The following ZDHHC14 variants were observed in gnomAD, a reference collection of about 807,000 sequenced individuals.
ZDHHC14 encodes zDHHC palmitoyltransferase 14.
ZDHHC14 carries 16 observed loss-of-function variants against 47.7 expected under a neutral mutation model. The ratio of observed to expected loss-of-function variants is 0.34; its 90% CI spans 0.23 to 0.51. ZDHHC14 has a LOEUF of 0.51. Ranked by LOEUF, ZDHHC14 falls within the 20% of genes least tolerant of loss-of-function variation. The pLI, the probability that ZDHHC14 is intolerant of heterozygous loss-of-function variation, is 0.97. For synonymous variants in ZDHHC14, 293 were observed against 278.9 expected, an observed-to-expected ratio of 1.05 and a Z score of -0.50; for missense variants, 515 against 662.5, an observed-to-expected ratio of 0.78 and a Z score of 2.44.
chr6:157,540,633 T>C (rs1292839792), intron 1 of ZDHHC14, among the ~76,000 whole-genome samples: 1 of 152,142 alleles, frequency 6.6e-6, no homozygotes, highest in Non-Finnish European at 1.5e-5. Context: ...GAAACTGGCT[T>C]TGCTGTGCCA....
chr6:157,665,154 T>C (rs1225021116), intron 8 of ZDHHC14, among the ~76,000 whole-genome samples: 1 of 152,200 alleles, frequency 6.6e-6, no homozygotes, highest in South Asian at 2.1e-4. Flanking sequence ...ACCATTTGCC[T>C]CCTGTACTTT....
chr6:157,624,807 A>C (rs1785336876), intron 3 of ZDHHC14, among the ~76,000 whole-genome samples: 2 of 152,208 alleles, frequency 1.3e-5, no homozygotes, highest in South Asian at 4.1e-4. Flanking sequence ...AGCACAAGTG[A>C]AAAACAAATG....
At chr6:157,532,754 T>G (rs1781408184) in intron 1 of ZDHHC14, among the ~76,000 whole-genome samples, 1 of 152,198 alleles carries the variant, frequency 6.6e-6, no homozygotes, top group Non-Finnish European at 1.5e-5. Flanking sequence ...ATTAGACTAA[T>G]TAAGGTATTG....
At chr6:157,549,141 G>C (rs1289763078) in intron 2 of ZDHHC14, among the ~76,000 whole-genome samples, 1 of 152,218 alleles carries the variant, frequency 6.6e-6, no homozygotes, top group Non-Finnish European at 1.5e-5. Flanking sequence ...GCTGCCTGAG[G>C]AGCCAGGCCC....
chr6:157,517,995 C>T (rs549957181), intron 1 of ZDHHC14, among the ~76,000 whole-genome samples: 2 of 152,162 alleles, frequency 1.3e-5, no homozygotes, highest in Admixed American at 6.5e-5. Flanking sequence ...ATGCACGTCC[C>T]CAGCCCCCGT....
rs566710538 is a variant in ZDHHC14 at position 157,399,852 on chromosome 6, G to A, written c.245+17586G>A. ...GGTGCAGGTCCAAGGTGGGCCTGCAGCAAGGACTGGTCAGATTACTTTGAA... is the reference window on the plus strand; with the variant it reads ...GGTGCAGGTCCAAGGTGGGCCTGCAACAAGGACTGGTCAGATTACTTTGAA... On this transcript the variant is annotated intron_variant, in intron 1 of 8. Coordinates refer to ENST00000359775, the MANE Select transcript of ZDHHC14 (RefSeq NM_024630.3). 3.3e-5 allele frequency among the ~76,000 whole-genome samples: 5 copies of A among 152,356 alleles called. No individual in the cohort carries two copies. The East Asian group carries it at 5.8e-4, about 18-fold the overall frequency.
chr6:157,432,458 G>A (rs958028834), intron 1 of ZDHHC14, among the ~76,000 whole-genome samples: 6 of 152,132 alleles, frequency 3.9e-5, no homozygotes, highest in African/African-American at 1.4e-4. Flanking sequence ...GGGCTGCTTT[G>A]GAGAGGTAAG....
intron 3 of ZDHHC14, among the ~76,000 whole-genome samples, chr6:157,623,827 C>T (rs1057212157): frequency 1.3e-5 from 2 of 152,124 alleles, no homozygotes; most frequent in South Asian, 2.1e-4. Flanking sequence ...GGATTGCAGG[C>T]GTGAGCCACC....
intron 1 of ZDHHC14, among the ~76,000 whole-genome samples, chr6:157,413,195 G>A (rs888222162): frequency 3.9e-5 from 6 of 152,166 alleles, no homozygotes; most frequent in African/African-American, 1.2e-4. Flanking sequence ...GTGATGTGAG[G>A]CCCTGCAGGG....
chr6:157,429,087 G>A (rs1778284241), intron 1 of ZDHHC14, among the ~76,000 whole-genome samples: 1 of 152,128 alleles, frequency 6.6e-6, no homozygotes, highest in African/African-American at 2.4e-5. Flanking sequence ...GGGGCGTGGG[G>A]GAAGGGAACG....
At chr6:157,458,686 T>C (rs1299384376) in intron 1 of ZDHHC14, among the ~76,000 whole-genome samples, 1 of 152,032 alleles carries the variant, frequency 6.6e-6, no homozygotes, top group Non-Finnish European at 1.5e-5. Context: ...GTGGCGCATC[T>C]TGTGTAGATG....
At chr6:157,510,779 G>A (rs1055115915) in intron 1 of ZDHHC14, among the ~76,000 whole-genome samples, 1 of 152,206 alleles carries the variant, frequency 6.6e-6, no homozygotes, top group Admixed American at 6.5e-5. Flanking sequence ...CAGCAAGGGG[G>A]GCGTTCATTG....
intron 3 of ZDHHC14, among the ~76,000 whole-genome samples, chr6:157,612,813 C>A (rs1414032418): frequency 1.3e-5 from 2 of 149,408 alleles, no homozygotes; most frequent in Admixed American, 6.7e-5. Context: ...TATCTACCTT[C>A]ATGTCTCCAT....
chr6:157,462,692 C>T (rs1297282608), intron 1 of ZDHHC14, among the ~76,000 whole-genome samples: 1 of 152,204 alleles, frequency 6.6e-6, no homozygotes, highest in Non-Finnish European at 1.5e-5. Context: ...TAAATCTTCC[C>T]TTAGCTGTCT....
chr6:157,519,964 A>G (rs1473599244), intron 1 of ZDHHC14, among the ~76,000 whole-genome samples: 1 of 152,132 alleles, frequency 6.6e-6, no homozygotes, highest in Non-Finnish European at 1.5e-5. Context: ...ATAAGCTGAC[A>G]TTTGCGAGCC....
intron 8 of ZDHHC14, among the ~76,000 whole-genome samples, chr6:157,657,245 G>T (rs959687871): frequency 2.6e-5 from 4 of 151,718 alleles, no homozygotes; most frequent in Non-Finnish European, 4.4e-5. Flanking sequence ...AGACAGTTTT[G>T]CCATGTTGCC....
intron 2 of ZDHHC14, among the ~76,000 whole-genome samples, chr6:157,587,134 T>A (rs1783726508): frequency 6.6e-6 from 1 of 152,248 alleles, no homozygotes; most frequent in South Asian, 2.1e-4. Context: ...AATGTTTGAC[T>A]GAGTTCGTAT....
At chr6:157,603,452 A>G (rs376133172) in intron 3 of ZDHHC14, among the ~76,000 whole-genome samples, 53 of 152,304 alleles carry the variant, frequency 3.5e-4, no homozygotes, top group African/African-American at 1.2e-3. Flanking sequence ...TTGGATGCCC[A>G]TCTAGGAAAG....
chr6:157,409,855 G>A lies in ZDHHC14; in HGVS notation c.245+27589G>A, dbSNP rs183847999. ...TTTATTTTTTGGGGGGGGGGACAGA[G>A]TCTTCTTCTGTCACCCAGACTGGAG... On this transcript the variant is annotated intron_variant, in intron 1 of 8. Coordinates refer to ENST00000359775, the MANE Select transcript of ZDHHC14 (RefSeq NM_024630.3). Among the ~76,000 whole-genome samples the A allele has an allele frequency of 9.2e-5, 14 of 151,932 alleles. No homozygotes were observed. The South Asian group carries it at 1.7e-3, about 18-fold the overall frequency.
Sources: allele counts gnomAD v4.1 joint callset (sites outside exome capture counted in the v4.1 genomes callset), GRCh38; gene constraint gnomAD v4.1.1; transcripts MANE v1.5; gene names NCBI Gene and HGNC (gene_info 2026-07-23, HGNC 2026-07-21).